Variants in FOXK1 observed in about 807,000 individuals in gnomAD.
FOXK1 encodes forkhead box protein K1.
Under a neutral mutation model 51.9 loss-of-function variants are expected in FOXK1, and 19 were observed. The observed-to-expected ratio is 0.37, with a 90% CI of 0.26 to 0.54. The LOEUF (loss-of-function observed/expected upper bound fraction) is 0.54, where lower values mean the gene tolerates loss of function less well. Ranked by LOEUF, FOXK1 falls within the 20% of genes least tolerant of loss-of-function variation. The probability of loss-of-function intolerance (pLI) is 0.87; values close to 1 mark genes in which losing one functional copy is unlikely to be tolerated. For synonymous variants in FOXK1, 537 were observed against 482.6 expected, an observed-to-expected ratio of 1.11 and a Z score of -1.48; for missense variants, 870 against 1,032.7, an observed-to-expected ratio of 0.84 and a Z score of 2.16.
intron 1 of FOXK1, among the ~76,000 whole-genome samples, chr7:4,736,214 C>T (rs1184546136): frequency 1.3e-5 from 2 of 152,180 alleles, no homozygotes; most frequent in Admixed American, 6.5e-5. Context: ...AATGAGGCCA[C>T]CTGCCTCAGG....
rs530745632 is a variant in FOXK1, at chr7:4,707,669, G to A, written c.560+24801G>A. The stretch of plus-strand genomic sequence containing the variant: ...CCATTCGTATCTGATTCATGCGTGT[G>A]CGACCAGTACTCCATTTCACTTTTT... On this transcript the variant is annotated intron_variant, in intron 1 of 8. Transcript: ENST00000328914. The surrounding 1 kb of genome is among the most constrained non-coding windows in gnomAD (Gnocchi z 4.1). Among the ~76,000 whole-genome samples, 12 of 150,936 alleles carry A rather than the reference G, an allele frequency of 8.0e-5. No individual in the cohort carries two copies. The highest frequency in any genetic ancestry group is 3.0e-4 in the African/African-American group (12 of 40,576).
Position 4,769,666 on chromosome 7 carries a change from C to T in FOXK1, c.*7202C>T, listed in dbSNP as rs1562397042. ...ATGTTGGTCAGGCTGGTCTTGAACT[C>T]CTGACCTCAGGTGATCTGCCCACCT... On this transcript the variant is annotated 3_prime_UTR_variant, in exon 9 of 9. Transcript: ENST00000328914. This position sits in a 1 kb window ranked among gnomAD's most constrained non-coding sequence, Gnocchi z 4.1. 1 of 152,222 alleles carries T rather than the reference C, an allele frequency of 6.6e-6. No homozygotes were observed. Among genetic ancestry groups the T allele is most frequent in the African/African-American group, 2.4e-5 (1 of 41,436 alleles). 9.4% of individuals were successfully genotyped at this position (152,222 alleles called of 1,614,324 possible).
chr7:4,705,546 T>G (rs796609679), intron 1 of FOXK1, among the ~76,000 whole-genome samples: 111 of 125,182 alleles, frequency 8.9e-4, no homozygotes, highest in African/African-American at 3.1e-3. Flanking sequence ...TCTCTCTCTC[T>G]CTCTCTCTCT....
chr7:4,721,672 C>G (rs1028071140), intron 1 of FOXK1, among the ~76,000 whole-genome samples: 1 of 145,316 alleles, frequency 6.9e-6, no homozygotes, highest in East Asian at 2.0e-4. Flanking sequence ...CTCACTGCAA[C>G]CTCTCCCTCC....
At chr7:4,714,633 G>T (rs1451086871) in intron 1 of FOXK1, among the ~76,000 whole-genome samples, 1 of 152,238 alleles carries the variant, frequency 6.6e-6, no homozygotes, top group Admixed American at 6.5e-5. Flanking sequence ...GTGTGTCAAA[G>T]TAGGAGTGCG....
rs763587560 is a variant in FOXK1 at position 4,740,886 on chromosome 7, G to A, written c.609G>A (p.Ser203=). ...PSTAIKIQFT[S]LYHKEEAPAS... is the part of the protein sequence containing the mutation. ...CGGCCATCAAGATCCAGTTCACGTC[G>A]CTCTATCACAAAGAAGAGGCCCCAG... Residue 203 remains serine (S), a synonymous_variant, in exon 2 of 9, where the codon TCG becomes TCA. Coordinates refer to ENST00000328914, the MANE Select transcript of FOXK1 (RefSeq NM_001037165.2). 34 of 1,594,364 alleles carry A rather than the reference G, an allele frequency of 2.1e-5. No individual in the cohort carries two copies. Among genetic ancestry groups the A allele is most frequent in the African/African-American group, 1.2e-4 (9 of 73,510 alleles).
At chr7:4,751,675 C>T (rs1429443636) in intron 2 of FOXK1, among the ~76,000 whole-genome samples, 8 of 152,226 alleles carry the variant, frequency 5.3e-5, no homozygotes, top group Non-Finnish European at 2.9e-5. Flanking sequence ...TATTGAGAGA[C>T]GGGCTGCTCC....
At position 4,711,075 on chromosome 7, in the gene FOXK1, A is replaced by AC. The variant is rs1780168370; in HGVS notation, c.560+28208dup. On this transcript the variant is annotated intron_variant, in intron 1 of 8. Coordinates refer to ENST00000328914, the MANE Select transcript of FOXK1 (RefSeq NM_001037165.2). The surrounding 1 kb of genome is among the most constrained non-coding windows in gnomAD (Gnocchi z 6.3). ...TTAGAGAAGATGGAGATGGATGGAG[A>AC]CGGCTGTCCATCAGCTGTGCAGGGC... Among the ~76,000 whole-genome samples, 2 of 152,176 alleles carry AC rather than the reference A, an allele frequency of 1.3e-5. No individual in the cohort carries two copies. Among genetic ancestry groups the AC allele is most frequent in the African/African-American group, 4.8e-5 (2 of 41,518 alleles).
In FOXK1 at chr7:4,748,192, T is replaced by G. The variant is rs916057346; in HGVS notation, c.747-6267T>G. Among the ~76,000 whole-genome samples, 2 of 152,160 alleles carry G rather than the reference T, an allele frequency of 1.3e-5. No homozygotes were observed. The highest frequency in any genetic ancestry group is 4.8e-5 in the African/African-American group (2 of 41,436). ...ATGCAAACATTTCAGAAAGTGAAAA[T>G]TCCCCCACACAACGCTCCCCAGAGC... is the stretch of plus-strand genomic sequence containing the variant. On this transcript the variant is annotated intron_variant, in intron 2 of 8. Transcript: ENST00000328914. This position sits in a 1 kb window ranked among gnomAD's most constrained non-coding sequence, Gnocchi z 4.9.
chr7:4,687,072 A>T (rs981682982), intron 1 of FOXK1, among the ~76,000 whole-genome samples: 3 of 151,190 alleles, frequency 2.0e-5, no homozygotes, highest in African/African-American at 7.3e-5. Flanking sequence ...ACCTGGGACT[A>T]TGGGCACCTG....
intron 1 of FOXK1, among the ~76,000 whole-genome samples, chr7:4,700,751 A>G (rs1780010989): frequency 6.6e-6 from 1 of 152,090 alleles, no homozygotes. Context: ...CAGAAGGTCA[A>G]GGCTGCAGTG....
intron 1 of FOXK1, among the ~76,000 whole-genome samples, chr7:4,702,490 G>A (rs962808589): frequency 5.3e-5 from 8 of 151,962 alleles, no homozygotes; most frequent in Admixed American, 1.3e-4. Context: ...TTACAGGCAC[G>A]CGCCACCATG....
At chr7:4,752,509 C>T (rs568811992) in intron 2 of FOXK1, among the ~76,000 whole-genome samples, 51 of 152,352 alleles carry the variant, frequency 3.3e-4, no homozygotes, top group Admixed American at 6.5e-4. Context: ...CCCTGCCACA[C>T]GTGCTGGGCC....
At chr7:4,736,690 A>T (rs1220297919) in intron 1 of FOXK1, among the ~76,000 whole-genome samples, 2 of 152,322 alleles carry the variant, frequency 1.3e-5, no homozygotes, top group East Asian at 3.9e-4. Context: ...CTCGGATTAC[A>T]AGCCTGAGCC....
intron 1 of FOXK1, among the ~76,000 whole-genome samples, chr7:4,714,986 C>G (rs1457075849): frequency 6.6e-6 from 1 of 152,134 alleles, no homozygotes; most frequent in Non-Finnish European, 1.5e-5. Context: ...GGTTCTGCAT[C>G]TTTTTCTTGG....
At chr7:4,728,617 G>A (rs934892390) in intron 1 of FOXK1, among the ~76,000 whole-genome samples, 23 of 151,818 alleles carry the variant, frequency 1.5e-4, no homozygotes, top group Admixed American at 7.9e-4. Flanking sequence ...CCAGCTAGGC[G>A]TGGTGGTGCA....
chr7:4,732,992 C>T (rs1780503018), intron 1 of FOXK1, among the ~76,000 whole-genome samples: 1 of 152,200 alleles, frequency 6.6e-6, no homozygotes, highest in Non-Finnish European at 1.5e-5. Context: ...TCCTGTCCTT[C>T]AGTTCTCCTG....
In FOXK1 at chr7:4,749,936, A is replaced by T. The variant is rs1780753508; in HGVS notation, c.747-4523A>T. Among the ~76,000 whole-genome samples the T allele has an allele frequency of 6.6e-6, 1 of 152,190 alleles. No individual in the cohort carries two copies. The highest frequency in any genetic ancestry group is 2.4e-5 in the African/African-American group (1 of 41,444). ...GTCCGTCCCTCTGCAGTCTCCCTGC[A>T]CTGGCATGTCCTGGGTGGTCCCAGT... On this transcript the variant is annotated intron_variant, in intron 2 of 8. Transcript: ENST00000328914. The surrounding 1 kb of genome is among the most constrained non-coding windows in gnomAD (Gnocchi z 6.0).
In FOXK1 at chr7:4,766,997, C is replaced by T. The variant is rs1009221988; in HGVS notation, c.*4533C>T. ...CAGACCTCAGTGGGAAAAATGAAAA[C>T]GTAATGGAACACGGGGAGGTGTCGG... On this transcript the variant is annotated 3_prime_UTR_variant, in exon 9 of 9. Coordinates refer to ENST00000328914, the MANE Select transcript of FOXK1 (RefSeq NM_001037165.2). This position sits in a 1 kb window ranked among gnomAD's most constrained non-coding sequence, Gnocchi z 5.5. 1 of 152,202 alleles carries T rather than the reference C, an allele frequency of 6.6e-6. No individual in the cohort carries two copies. The highest frequency in any genetic ancestry group is 1.5e-5 in the Non-Finnish European group (1 of 68,048). 9.4% of individuals were successfully genotyped at this position (152,202 alleles called of 1,614,324 possible). A position where few individuals can be genotyped will look rare whatever the true frequency, so the allele number is the denominator to read the frequency against.
Sources: gnomAD v4.1 joint callset for allele counts (sites outside exome capture counted in the v4.1 genomes callset) on GRCh38, gnomAD v4.1.1 for gene constraint, Gnocchi (gnomAD v3.1) non-coding constraint, MANE v1.5 for transcripts, NCBI Gene and HGNC (gene_info 2026-07-23, HGNC 2026-07-21) for gene names.